The following COLEC12 variants were observed in gnomAD, a reference collection of about 807,000 sequenced individuals.
COLEC12 encodes the protein collectin-12.
COLEC12 carries 33 observed loss-of-function variants against 71.1 expected under a neutral mutation model. The ratio of observed to expected loss-of-function variants is 0.46; its 90% CI spans 0.35 to 0.62. The LOEUF (loss-of-function observed/expected upper bound fraction) is 0.62, where lower values mean the gene tolerates loss of function less well. COLEC12 is among the 20% of genes least tolerant of loss of function. The probability of loss-of-function intolerance (pLI) is 0.00; values close to 1 mark genes in which losing one functional copy is unlikely to be tolerated. For missense variants in COLEC12, 765 were observed against 916.1 expected, an observed-to-expected ratio of 0.84 and a Z score of 2.13; for synonymous variants, 350 against 353.0, an observed-to-expected ratio of 0.99 and a Z score of 0.10.
intron 2 of COLEC12, among the ~76,000 whole-genome samples, chr18:368,667 A>G (rs917153412): frequency 3.5e-4 from 53 of 152,096 alleles, no homozygotes; most frequent in Non-Finnish European, 5.6e-4. Context: ...GATCGAGACC[A>G]GCCTGGCTAA....
intron 3 of COLEC12, among the ~76,000 whole-genome samples, chr18:348,535 C>T (rs1373190310): frequency 6.6e-6 from 1 of 152,188 alleles, no homozygotes; most frequent in African/African-American, 2.4e-5. Flanking sequence ...TGATAATTTA[C>T]AAAATGTTGT....
chr18:366,421 A>G (rs1914857623), intron 2 of COLEC12, among the ~76,000 whole-genome samples: 1 of 150,538 alleles, frequency 6.6e-6, no homozygotes, highest in Admixed American at 6.6e-5. Context: ...GCTCTTCCCT[A>G]CTAACTAACT....
intron 2 of COLEC12, among the ~76,000 whole-genome samples, chr18:423,454 C>A (rs1916137626): frequency 2.6e-5 from 4 of 151,994 alleles, no homozygotes; most frequent in Admixed American, 2.6e-4. Context: ...AACAAAATAG[C>A]CTCAAAAATC....
intron 1 of COLEC12, among the ~76,000 whole-genome samples, chr18:491,366 C>T (rs777320523): frequency 1.3e-5 from 2 of 152,174 alleles, no homozygotes; most frequent in Admixed American, 6.5e-5. Flanking sequence ...CTTTGAAATT[C>T]AAAGACCTGG....
intron 5 of COLEC12, among the ~76,000 whole-genome samples, chr18:336,678 G>A (rs1321520596): frequency 6.6e-6 from 1 of 152,164 alleles, no homozygotes; most frequent in Non-Finnish European, 1.5e-5. Context: ...TAGCTACTAG[G>A]AACAGATACC....
At chr18:386,557 C>A (rs1915349318) in intron 2 of COLEC12, among the ~76,000 whole-genome samples, 1 of 152,182 alleles carries the variant, frequency 6.6e-6, no homozygotes, top group Admixed American at 6.5e-5. Flanking sequence ...CTCAGAGTCT[C>A]TAACCTCTCA....
In COLEC12 at chr18:326,215, T is replaced by C. The variant is rs547764981; in HGVS notation, c.2064-4408A>G. Among the ~76,000 whole-genome samples, 156 of 152,260 alleles carry C rather than the reference T, an allele frequency of 1.0e-3. 1 individual carries two copies. Among genetic ancestry groups the C allele is most frequent in the Non-Finnish European group, 7.6e-4 (52 of 68,052 alleles). ...AAACATTTTCAGATTTCCTTTGTGA[T>C]TTTTCTCTTTGACCCATGGGTTATT... On this transcript the variant is annotated intron_variant, in intron 8 of 9. Coordinates refer to ENST00000400256, the MANE Select transcript of COLEC12 (RefSeq NM_130386.3).
chr18:372,994 T>C (rs1177452503), intron 2 of COLEC12, among the ~76,000 whole-genome samples: 1 of 152,126 alleles, frequency 6.6e-6, no homozygotes, highest in Non-Finnish European at 1.5e-5. Context: ...GAGGGATGTG[T>C]GTATTCTAGT....
At chr18:388,528 T>C (rs1915394475) in intron 2 of COLEC12, among the ~76,000 whole-genome samples, 1 of 152,218 alleles carries the variant, frequency 6.6e-6, no homozygotes, top group Non-Finnish European at 1.5e-5. Context: ...CAAGTTTCTG[T>C]ATGCGCATGG....
chr18:357,701 C>T (rs1400451201), intron 2 of COLEC12, among the ~76,000 whole-genome samples, 179 bp from the exon 3 acceptor site: 1 of 152,216 alleles, frequency 6.6e-6, no homozygotes, highest in Non-Finnish European at 1.5e-5. Flanking sequence ...TTCAATATTA[C>T]CATTCTATTG....
At chr18:453,481 A>T (rs1165940150) in intron 2 of COLEC12, among the ~76,000 whole-genome samples, 2 of 152,172 alleles carry the variant, frequency 1.3e-5, no homozygotes, top group Admixed American at 1.3e-4. Context: ...GAGACAGAAC[A>T]CAGAGCTGTG....
intron 1 of COLEC12, among the ~76,000 whole-genome samples, chr18:498,799 A>G (rs189612834): frequency 3.2e-4 from 49 of 152,320 alleles, no homozygotes; most frequent in Non-Finnish European, 3.7e-4. Context: ...CACAGCGGGT[A>G]GGCCACCATC....
intron 5 of COLEC12, among the ~76,000 whole-genome samples, chr18:336,697 T>C (rs971712434): frequency 3.3e-5 from 5 of 151,936 alleles, no homozygotes; most frequent in Non-Finnish European, 7.4e-5. Context: ...CCAAGGAGAG[T>C]AAGACATGGT....
chr18:436,543 CAG>C (rs1555619929), intron 2 of COLEC12, among the ~76,000 whole-genome samples: 4 of 114,910 alleles, frequency 3.5e-5, no homozygotes, highest in African/African-American at 1.0e-4. Flanking sequence ...GGGGGGGAAA[CAG>C]GGGTGGCTTT....
At position 500,228 on chromosome 18, in the gene COLEC12, G is replaced by C. The variant is rs1343739936; in HGVS notation, c.7+280C>G. Reference sequence around the variant, plus strand: ...ATTAAAAAGTTGGAAACGGGAATCCGTAAACAACGACTTAGGGCTTCAAAC... The same window carrying C: ...ATTAAAAAGTTGGAAACGGGAATCCCTAAACAACGACTTAGGGCTTCAAAC... On this transcript the variant is annotated intron_variant, in intron 1 of 9. Transcript: ENST00000400256. This position sits in a 1 kb window ranked among gnomAD's most constrained non-coding sequence, Gnocchi z 5.3. Among the ~76,000 whole-genome samples, 1 of 152,212 alleles carries C rather than the reference G, an allele frequency of 6.6e-6. No individual in the cohort carries two copies. Among genetic ancestry groups the C allele is most frequent in the Non-Finnish European group, 1.5e-5 (1 of 68,030 alleles).
intron 2 of COLEC12, among the ~76,000 whole-genome samples, chr18:440,850 C>T (rs1308305271): frequency 6.6e-6 from 1 of 152,128 alleles, no homozygotes; most frequent in East Asian, 1.9e-4. Flanking sequence ...CTATAGGATA[C>T]CTGAGTTTTG....
At position 480,621 on chromosome 18, in the gene COLEC12, C is replaced by T; in HGVS notation, c.58+86G>A. 1 of 1,194,346 alleles carries T rather than the reference C, an allele frequency of 8.4e-7. No homozygotes were observed. The allele number at this position is 1,194,346 out of a possible 1,614,324, so 74.0% of individuals were successfully genotyped here. A position where few individuals can be genotyped will look rare whatever the true frequency, so the allele number is the denominator to read the frequency against. On this transcript the variant is annotated intron_variant, in intron 2 of 9. Coordinates refer to ENST00000400256, the MANE Select transcript of COLEC12 (RefSeq NM_130386.3). The surrounding 1 kb of genome is among the most constrained non-coding windows in gnomAD (Gnocchi z 4.1). The stretch of plus-strand genomic sequence containing the variant: ...AACACCCATGTGCATGAAGGGCCTG[C>T]CAGTGGCCTGCCAATGGTCTCTGAG...
chr18:342,774 T>A (rs1914284400), intron 5 of COLEC12, among the ~76,000 whole-genome samples: 1 of 152,178 alleles, frequency 6.6e-6, no homozygotes, highest in South Asian at 2.1e-4. Context: ...TTGGGAAGCT[T>A]CTCAGATCAA....
chr18:419,331 G>A (rs1003978525), intron 2 of COLEC12, among the ~76,000 whole-genome samples: 11 of 152,070 alleles, frequency 7.2e-5, no homozygotes, highest in African/African-American at 2.7e-4. Context: ...TCAGCCTCCT[G>A]AGTAGCTGGG....
Sources: gnomAD v4.1 joint callset for allele counts (sites outside exome capture counted in the v4.1 genomes callset) on GRCh38, gnomAD v4.1.1 for gene constraint, Gnocchi (gnomAD v3.1) non-coding constraint, MANE v1.5 for transcripts, NCBI Gene and HGNC (gene_info 2026-07-23, HGNC 2026-07-21) for gene names.